Variants in USH2A observed in about 807,000 individuals in gnomAD.
USH2A encodes usherin.
A neutral mutation model predicts 538.9 loss-of-function variants in USH2A; 443 were observed. The ratio of observed to expected loss-of-function variants is 0.82; its 90% CI spans 0.76 to 0.89. USH2A has a LOEUF of 0.89. USH2A is among the 40% of genes least tolerant of loss of function. USH2A has a pLI of 0.00. For synonymous variants in USH2A, 2,413 were observed against 2,273.5 expected (o/e 1.06, Z -1.75); for missense variants, 6,633 against 6,324.8 (o/e 1.05, Z -1.65).
At chr1:216,022,991 TAAGTGCAAGTGAGAA>T (rs1668875390) in intron 32 of USH2A, among the ~76,000 whole-genome samples, 1 of 152,142 alleles carries the variant, frequency 6.6e-6, no homozygotes, top group Non-Finnish European at 1.5e-5. Context: ...AGCTTGATCC[TAAGTGCAAGTGAGAA>T]AACCCATATG....
intron 30 of USH2A, among the ~76,000 whole-genome samples, chr1:216,050,889 G>T (rs1005721644): frequency 6.6e-6 from 1 of 151,928 alleles, no homozygotes; most frequent in African/African-American, 2.4e-5. Flanking sequence ...ACAGGCGTGA[G>T]CCACTGTGCC....
rs1342998657 is a variant in USH2A at position 215,674,544 on chromosome 1, C to G, written c.13367G>C (p.Gly4456Ala). The change falls in exon 63 of 72, where the codon GGC (glycine) becomes GCC (alanine). Residue 4456 changes from glycine (G) to alanine (A), a missense_variant. Gly to Ala is a moderately conservative substitution (Grantham distance 60, BLOSUM62 0). Transcript: ENST00000307340. ...CCAGGTGATTTCTATTGATTCTGAG[C>G]CTGTGACTTGCAATGTTGGAGAGTC... is the stretch of plus-strand genomic sequence containing the variant. ...NMDSPTLQVTGSESIEITWKP... is the reference protein window; with the variant it reads ...NMDSPTLQVTASESIEITWKP... 6.2e-7 allele frequency: 1 copy of G among 1,614,124 alleles called. No homozygotes were observed. The highest frequency in any genetic ancestry group is 1.1e-5 in the South Asian group (1 of 91,086).
intron 38 of USH2A, among the ~76,000 whole-genome samples, chr1:215,921,979 C>T (rs1025715134): frequency 2.0e-5 from 3 of 151,996 alleles, no homozygotes; most frequent in Admixed American, 6.6e-5. Context: ...AGATACTGGG[C>T]ACTATGTCAA....
At chr1:216,366,009 T>G (rs1194983123) in intron 3 of USH2A, among the ~76,000 whole-genome samples, 1 of 152,188 alleles carries the variant, frequency 6.6e-6, no homozygotes, top group Non-Finnish European at 1.5e-5. Flanking sequence ...CATAGATACC[T>G]GCACAAAATT....
chr1:215,679,343 T>C (rs568890288), intron 62 of USH2A, among the ~76,000 whole-genome samples: 1 of 152,170 alleles, frequency 6.6e-6, no homozygotes, highest in Admixed American at 6.5e-5. Flanking sequence ...AAAAGGGTAG[T>C]GTGTCTATAG....
intron 13 of USH2A, among the ~76,000 whole-genome samples, chr1:216,245,472 A>G (rs2036019327): frequency 3.9e-5 from 1 of 25,454 alleles, no homozygotes; most frequent in Non-Finnish European, 1.1e-4. Flanking sequence ...TCCCCTTCTG[A>G]GAGAGAGAGA....
chr1:215,897,897 T>A (rs1268722663), intron 40 of USH2A, among the ~76,000 whole-genome samples: 1 of 152,194 alleles, frequency 6.6e-6, no homozygotes, highest in African/African-American at 2.4e-5. Flanking sequence ...CATGGAGCTG[T>A]CAACATGGGT....
rs376217407 is a variant in USH2A at position 216,157,921 on chromosome 1, C to T, written c.4627+17331G>A. Among the ~76,000 whole-genome samples the T allele has an allele frequency of 6.6e-5, 10 of 151,896 alleles. No homozygotes were observed. In the East Asian group the frequency reaches 1.4e-3, roughly 21 times the overall value. ...ATGCAATATAGCCAAGTAACAAACC[C>T]GCATGTTGTACCCATTATACCTAAA... is the stretch of plus-strand genomic sequence containing the variant. On this transcript the variant is annotated intron_variant, in intron 21 of 71. Coordinates refer to ENST00000307340, the MANE Select transcript of USH2A (RefSeq NM_206933.4).
chr1:215,732,574 C>CTTTTTTTTTTTTTTTTTTTTT (rs1558074040), intron 60 of USH2A, among the ~76,000 whole-genome samples: 1 of 36,780 alleles, frequency 2.7e-5, no homozygotes, highest in African/African-American at 1.1e-4. Flanking sequence ...TTTTTTTTTG[C>CTTTTTTTTTTTTTTTTTTTTT]TCTGTTGCCC....
chr1:215,953,994 C>G (rs562544057), intron 37 of USH2A, among the ~76,000 whole-genome samples: 13 of 152,124 alleles, frequency 8.5e-5, no homozygotes, highest in African/African-American at 2.2e-4. Flanking sequence ...GAGAGAAATG[C>G]AAATCAAAAC....
chr1:216,059,241 C>G (rs1329039818), intron 30 of USH2A, among the ~76,000 whole-genome samples: 1 of 152,078 alleles, frequency 6.6e-6, no homozygotes, highest in Non-Finnish European at 1.5e-5. Context: ...CTCTGCATAG[C>G]TGAGTTTAAG....
intron 16 of USH2A, among the ~76,000 whole-genome samples, chr1:216,207,012 C>G (rs1431898271): frequency 6.6e-6 from 1 of 152,128 alleles, no homozygotes; most frequent in Non-Finnish European, 1.5e-5. Context: ...CCAGCTTCCC[C>G]ACATTCCCAT....
At chr1:215,773,247 C>T (rs556248324) in intron 55 of USH2A, among the ~76,000 whole-genome samples, 12 of 152,180 alleles carry the variant, frequency 7.9e-5, no homozygotes, top group African/African-American at 2.9e-4. Flanking sequence ...TCCATCTTCC[C>T]TTCTCCTTGT....
intron 21 of USH2A, among the ~76,000 whole-genome samples, chr1:216,133,522 G>C (rs1454211775): frequency 2.0e-5 from 3 of 152,068 alleles, no homozygotes; most frequent in Non-Finnish European, 4.4e-5. Context: ...GAAACCAGAG[G>C]ATGTGTGCGT....
chr1:215,841,216 A>G (rs1663667625), intron 46 of USH2A, among the ~76,000 whole-genome samples: 1 of 152,212 alleles, frequency 6.6e-6, no homozygotes, highest in African/African-American at 2.4e-5. Context: ...TATGGAACCA[A>G]AAAAGAGCCT....
chr1:216,275,090 GT>G (rs1320152883), intron 11 of USH2A, among the ~76,000 whole-genome samples: 2 of 151,984 alleles, frequency 1.3e-5, no homozygotes, highest in Admixed American at 1.3e-4. Context: ...TGTAATTATA[GT>G]CCTTCTAGTT....
rs550055589 is a variant in USH2A at position 216,174,580 on chromosome 1, A to G, written c.4627+672T>C. On this transcript the variant is annotated intron_variant, in intron 21 of 71. Transcript: ENST00000307340. Reference sequence around the variant, plus strand: ...TTTTCATTTTTAAAAATATTGCATTAAAATTTACATTAACACTGAGTTTTT... The same window carrying G: ...TTTTCATTTTTAAAAATATTGCATTGAAATTTACATTAACACTGAGTTTTT... 8.2e-6 allele frequency: 8 copies of G among 981,434 alleles called. No homozygotes were observed. The African/African-American group carries it at 1.4e-4, about 17-fold the overall frequency. 60.8% of individuals were successfully genotyped at this position (981,434 alleles called of 1,614,324 possible).
intron 56 of USH2A, among the ~76,000 whole-genome samples, chr1:215,763,807 G>C (rs1661051325): frequency 6.6e-6 from 1 of 152,068 alleles, no homozygotes; most frequent in Non-Finnish European, 1.5e-5. Context: ...TCTTCTTATA[G>C]CTATGAGGAT....
chr1:216,146,364 ACTCCGGCG>A (rs1440475058), intron 21 of USH2A, among the ~76,000 whole-genome samples: 20 of 151,848 alleles, frequency 1.3e-4, no homozygotes, highest in African/African-American at 4.8e-4. Flanking sequence ...TGAACTCAAA[ACTCCGGCG>A]CTGGTCACAG....
Sources: allele counts gnomAD v4.1 joint callset (sites outside exome capture counted in the v4.1 genomes callset), GRCh38; gene constraint gnomAD v4.1.1; transcripts MANE v1.5; gene names NCBI Gene and HGNC (gene_info 2026-07-23, HGNC 2026-07-21).